Variants in SNX18 observed in about 807,000 individuals in gnomAD.
The protein encoded by SNX18 is sorting nexin 18, also known as sorting nexin-18.
Under a neutral mutation model 48.7 loss-of-function variants are expected in SNX18, and 35 were observed. That is an observed-to-expected ratio of 0.72 (90% CI 0.55 to 0.95). The LOEUF (loss-of-function observed/expected upper bound fraction) is 0.95, where lower values mean the gene tolerates loss of function less well. Among genes scored for constraint, SNX18 ranks in the 40% least tolerant of loss-of-function variants. The pLI, the probability that SNX18 is intolerant of heterozygous loss-of-function variation, is 0.00. For synonymous variants in SNX18, 492 were observed against 384.7 expected (o/e 1.28, Z -3.26); for missense variants, 824 against 871.0 (o/e 0.95, Z 0.68).
At chr5:54,601,145 C>T in the SNX18 span, among the ~76,000 whole-genome samples, 19 of 152,268 alleles carry the variant, frequency 1.2e-4, no homozygotes, top group South Asian at 3.7e-3. Context: ...TGTGCTGGAA[C>T]ACCTCTTCCC....
chr5:54,560,309 T>C, the SNX18 span, among the ~76,000 whole-genome samples: 1 of 152,176 alleles, frequency 6.6e-6, no homozygotes, highest in Non-Finnish European at 1.5e-5. Context: ...AAAAATGACA[T>C]CATGTCCTTT....
At chr5:54,646,566 C>T in the SNX18 span, among the ~76,000 whole-genome samples, 5 of 152,242 alleles carry the variant, frequency 3.3e-5, no homozygotes, top group African/African-American at 1.2e-4. Flanking sequence ...CACTCAACCA[C>T]TACTAACCAG....
At chr5:54,626,051 T>C in the SNX18 span, among the ~76,000 whole-genome samples, 2 of 152,356 alleles carry the variant, frequency 1.3e-5, no homozygotes, top group South Asian at 4.1e-4. Context: ...TAGATTTTTC[T>C]GTTGCATGAT....
chr5:54,588,668 G>C, the SNX18 span, among the ~76,000 whole-genome samples: 1 of 152,110 alleles, frequency 6.6e-6, no homozygotes, highest in Non-Finnish European at 1.5e-5. Flanking sequence ...TTACTAGTGG[G>C]ATGCGTGCAC....
the SNX18 span, among the ~76,000 whole-genome samples, chr5:54,587,885 T>C: frequency 2.0e-5 from 3 of 152,220 alleles, no homozygotes; most frequent in Non-Finnish European, 4.4e-5. Flanking sequence ...TGTGCTTCCC[T>C]TGCAGTTAGA....
At chr5:54,631,188 C>A in the SNX18 span, among the ~76,000 whole-genome samples, 2 of 152,292 alleles carry the variant, frequency 1.3e-5, no homozygotes, top group East Asian at 3.9e-4. Flanking sequence ...TTGTCCCCAG[C>A]CAAAACTAAC....
intron 1 of SNX18, among the ~76,000 whole-genome samples, chr5:54,530,476 AATATATAACATGCTTGTTAG>A (rs1433761953): frequency 6.6e-6 from 1 of 152,176 alleles, no homozygotes; most frequent in Non-Finnish European, 1.5e-5. Context: ...CTTACGCTAC[AATATATAACATGCTTGTTAG>A]AAAATTGACT....
chr5:54,601,514 G>T, the SNX18 span, among the ~76,000 whole-genome samples: 1 of 152,130 alleles, frequency 6.6e-6, no homozygotes, highest in Non-Finnish European at 1.5e-5. Context: ...CCCATGATTA[G>T]ACCAGAAACT....
chr5:54,608,823 C>T, the SNX18 span, among the ~76,000 whole-genome samples: 2 of 152,198 alleles, frequency 1.3e-5, no homozygotes, highest in Non-Finnish European at 2.9e-5. Context: ...GGGAAATTCA[C>T]ACTCAGCCCT....
the SNX18 span, among the ~76,000 whole-genome samples, chr5:54,599,079 C>A: frequency 6.6e-6 from 1 of 152,098 alleles, no homozygotes; most frequent in African/African-American, 2.4e-5. Context: ...TATTCTTATA[C>A]ACCAACAACA....
At chr5:54,625,393 A>G in the SNX18 span, among the ~76,000 whole-genome samples, 8,022 of 152,238 alleles carry the variant, frequency 0.053, 352 homozygotes, top group African/African-American at 0.12. Flanking sequence ...TCTGCTTCTA[A>G]GCTCGCTCGT....
chr5:54,535,676 G>T (rs1284417228), intron 1 of SNX18, among the ~76,000 whole-genome samples: 1 of 152,154 alleles, frequency 6.6e-6, no homozygotes, highest in Non-Finnish European at 1.5e-5. Flanking sequence ...TGGAGGTGGG[G>T]TCTTTGCCAT....
intron 1 of SNX18, among the ~76,000 whole-genome samples, chr5:54,542,368 T>A (rs1361466964): frequency 6.6e-6 from 1 of 152,160 alleles, no homozygotes; most frequent in Non-Finnish European, 1.5e-5. Flanking sequence ...TCCTAAGTCA[T>A]CATTAGGGCA....
the SNX18 span, among the ~76,000 whole-genome samples, chr5:54,578,144 A>C: frequency 1.3e-5 from 2 of 151,930 alleles, no homozygotes; most frequent in African/African-American, 4.8e-5. Context: ...CATGAACACA[A>C]CTCTTCAGCC....
chr5:54,604,127 C>T, the SNX18 span, among the ~76,000 whole-genome samples: 1 of 152,160 alleles, frequency 6.6e-6, no homozygotes, highest in African/African-American at 2.4e-5. Context: ...AGCAGACAAA[C>T]ACATTATAAA....
the SNX18 span, among the ~76,000 whole-genome samples, chr5:54,646,805 C>T: frequency 4.6e-5 from 7 of 152,332 alleles, no homozygotes; most frequent in Non-Finnish European, 1.0e-4. Flanking sequence ...TGTTACTTGG[C>T]TCCTACAAAT....
chr5:54,527,368 G>T (rs948099606), intron 1 of SNX18, among the ~76,000 whole-genome samples: 3 of 151,914 alleles, frequency 2.0e-5, no homozygotes, highest in Non-Finnish European at 2.9e-5. Context: ...CGGGGGGGGG[G>T]GTCCCCCTCC....
At chr5:54,572,750 G>GTATATATATA in the SNX18 span, among the ~76,000 whole-genome samples, 1 of 41,470 alleles carries the variant, frequency 2.4e-5, no homozygotes, top group African/African-American at 9.2e-5. Context: ...GTGTGTGTGT[G>GTATATATATA]TGTGTATATA....
chr5:54,571,792 C>T, the SNX18 span, among the ~76,000 whole-genome samples: 2 of 152,204 alleles, frequency 1.3e-5, no homozygotes, highest in African/African-American at 4.8e-5. Flanking sequence ...TCTCAGCAGG[C>T]TGGAGGTACT....
Sources: gnomAD v4.1 joint callset for allele counts (sites outside exome capture counted in the v4.1 genomes callset) on GRCh38, gnomAD v4.1.1 for gene constraint, MANE v1.5 for transcripts, NCBI Gene and HGNC (gene_info 2026-07-23, HGNC 2026-07-21) for gene names.